RRAGB: variants seen among roughly 807,000 people sequenced by gnomAD.
RRAGB encodes the protein Ras related GTP binding B.
In RRAGB, 6 loss-of-function variants were observed where a neutral mutation model predicts 29.3. That is an observed-to-expected ratio of 0.21 (90% confidence interval 0.11 to 0.40). The LOEUF is 0.40. RRAGB is among the 10% of genes least tolerant of loss of function. The probability of loss-of-function intolerance (pLI) is 1.00; values close to 1 mark genes in which losing one functional copy is unlikely to be tolerated. For synonymous variants in RRAGB, 101 were observed against 92.5 expected, an observed-to-expected ratio of 1.09 and a Z score of -0.53; for missense variants, 184 against 272.9, an observed-to-expected ratio of 0.67 and a Z score of 2.29.
chrX:55,723,348 G>A (rs2033356525), intron 3 of RRAGB, among the ~76,000 whole-genome samples: 1 of 110,142 alleles, frequency 9.1e-6, no homozygotes, highest in Admixed American at 9.6e-5. Flanking sequence ...CACCATGTTG[G>A]CCAGGCTGAT....
At chrX:55,744,877 G>C (rs1211777594) in intron 5 of RRAGB, among the ~76,000 whole-genome samples, 1 of 112,011 alleles carries the variant, frequency 8.9e-6, no homozygotes, top group Non-Finnish European at 1.9e-5. Flanking sequence ...ACTCAAAACT[G>C]TCAGGTTTTT....
At chrX:55,750,870 C>T (rs1305635262) in intron 5 of RRAGB, among the ~76,000 whole-genome samples, 3 of 111,668 alleles carry the variant, frequency 2.7e-5, no homozygotes, top group Non-Finnish European at 5.6e-5. Context: ...ACATAGTGCT[C>T]GTAGTGAGTA....
rs759958353 is a variant in RRAGB at position 55,748,766 on chromosome X, C to A, written c.517-2335C>A. Among the ~76,000 whole-genome samples, 5 of 110,550 alleles carry A rather than the reference C, an allele frequency of 4.5e-5. No individual in the cohort carries two copies. In the East Asian group the frequency reaches 1.5e-3, roughly 33 times the overall value. The stretch of plus-strand genomic sequence containing the variant: ...GGTCAGCCCCCACCAGGCCAGCCGC[C>A]CCATCTGGGAGGGAGGTGGGGGGGT... On this transcript the variant is annotated intron_variant, in intron 5 of 9. Transcript: ENST00000374941.
chrX:55,741,348 C>T (rs962957593), intron 5 of RRAGB, among the ~76,000 whole-genome samples: 1 of 111,798 alleles, frequency 8.9e-6, no homozygotes, highest in Admixed American at 9.5e-5. Context: ...CACTGCTTTA[C>T]GACCCATTTT....
intron 3 of RRAGB, chrX:55,727,534 C>T (rs1397790649): frequency 5.4e-6 from 2 of 372,919 alleles, no homozygotes; most frequent in Non-Finnish European, 9.5e-6. Flanking sequence ...CTATGCCCCG[C>T]CCCCCCGCTT....
At chrX:55,731,672 T>A (rs1012634591) in intron 5 of RRAGB, 86 bp downstream of exon 5, 22 of 605,090 alleles carry the variant, frequency 3.6e-5, no homozygotes, top group Non-Finnish European at 5.4e-5. Flanking sequence ...TTGTACCATT[T>A]TTTCAGGAAT....
At chrX:55,755,818 A>G (rs758599719) in intron 7 of RRAGB, 23 bp from the exon 8 acceptor site, 1 of 1,182,205 alleles carries the variant, frequency 8.5e-7, no homozygotes, top group Non-Finnish European at 1.1e-6. Context: ...CATGGATTCA[A>G]AGGACAATAT....
chrX:55,747,048 C>T (rs1215865606), intron 5 of RRAGB, among the ~76,000 whole-genome samples: 1 of 111,930 alleles, frequency 8.9e-6, no homozygotes, highest in Non-Finnish European at 1.9e-5. Flanking sequence ...TAGGAGTCTG[C>T]TGAGACTTGA....
At chrX:55,724,592 G>GTC (rs1240635966) in intron 3 of RRAGB, among the ~76,000 whole-genome samples, 2 of 111,260 alleles carry the variant, frequency 1.8e-5, no homozygotes. Context: ...CCTCTGGAAT[G>GTC]TCTACCTGTC....
At chrX:55,755,486 AT>A (rs752742887) in intron 7 of RRAGB, 12 of 738,939 alleles carry the variant, frequency 1.6e-5, no homozygotes, top group Admixed American at 1.8e-4. Context: ...AGGAATTTTT[AT>A]TTGTTTTTCT....
intron 5 of RRAGB, among the ~76,000 whole-genome samples, chrX:55,735,911 C>A (rs1211622628): frequency 8.9e-6 from 1 of 111,947 alleles, no homozygotes; most frequent in Admixed American, 9.4e-5. Context: ...ACAGTTATTC[C>A]GTTTGAGGAG....
intron 5 of RRAGB, among the ~76,000 whole-genome samples, chrX:55,743,727 A>G (rs1465424738): frequency 8.9e-6 from 1 of 112,141 alleles, no homozygotes. Context: ...TTTGTCACCA[A>G]TTTTCCAGTC....
intron 5 of RRAGB, among the ~76,000 whole-genome samples, chrX:55,737,539 T>A (rs1417658224): frequency 8.9e-6 from 1 of 112,191 alleles, no homozygotes; most frequent in South Asian, 3.7e-4. Flanking sequence ...CTGCAGTTTT[T>A]CACCACTGAG....
chrX:55,748,261 C>T (rs1426407281), intron 5 of RRAGB, among the ~76,000 whole-genome samples: 1 of 112,449 alleles, frequency 8.9e-6, no homozygotes, highest in Non-Finnish European at 1.9e-5. Context: ...CCCAAAGAGC[C>T]GAGATTGCAG....
intron 2 of RRAGB, among the ~76,000 whole-genome samples, chrX:55,720,540 C>T (rs1434250008): frequency 9.0e-6 from 1 of 111,507 alleles, no homozygotes; most frequent in Non-Finnish European, 1.9e-5. Flanking sequence ...AGGTTCCCTT[C>T]ATTTGAAAAG....
In RRAGB at chrX:55,722,221, C is replaced by A. The variant is rs1441364755; in HGVS notation, c.162C>A (p.Thr54=). 1.7e-6 allele frequency: 2 copies of A among 1,195,640 alleles called. No homozygotes were observed. Among genetic ancestry groups the A allele is most frequent in the Admixed American group, 4.4e-5 (2 of 45,775 alleles). ...LLMGKSGSGK[T]SMRSIIFANY... is the part of the protein sequence containing the mutation. Reference sequence around the variant, plus strand: ...TGGGTAAAAGTGGGTCTGGTAAGACCAGCATGAGGTCTATTATCTTTGCAA... The same window carrying A: ...TGGGTAAAAGTGGGTCTGGTAAGACAAGCATGAGGTCTATTATCTTTGCAA... The change falls in exon 3 of 10, where the codon ACC becomes ACA. Residue 54 remains threonine (T), a synonymous_variant. Transcript: ENST00000374941.
At chrX:55,755,402 AC>A (rs2147130092) in intron 7 of RRAGB, 1 of 744,330 alleles carries the variant, frequency 1.3e-6, no homozygotes, top group South Asian at 6.9e-5. Context: ...CTTTTAAAAT[AC>A]AATTCCAAAA....
At chrX:55,743,622 A>G (rs2034151928) in intron 5 of RRAGB, among the ~76,000 whole-genome samples, 1 of 112,694 alleles carries the variant, frequency 8.9e-6, no homozygotes, top group African/African-American at 3.2e-5. Flanking sequence ...CTTCTGCTGA[A>G]GTCATTCTTT....
At chrX:55,718,447 G>C (rs1281751667) in intron 1 of RRAGB, 28 bp downstream of exon 1, 1 of 973,996 alleles carries the variant, frequency 1.0e-6, no homozygotes, top group African/African-American at 1.9e-5. Context: ...GTGAAACCTG[G>C]AAGTGGGGGT....
Sources: gnomAD v4.1 joint callset for allele counts (sites outside exome capture counted in the v4.1 genomes callset) on GRCh38, gnomAD v4.1.1 for gene constraint, MANE v1.5 for transcripts, NCBI Gene and HGNC (gene_info 2026-07-23, HGNC 2026-07-21) for gene names.